The following HEATR5B variants were observed in gnomAD, a reference collection of about 807,000 sequenced individuals.
HEATR5B encodes HEAT repeat containing 5B, also known as HEAT repeat-containing protein 5B.
A neutral mutation model predicts 224.1 loss-of-function variants in HEATR5B; 156 were observed. That is an observed-to-expected ratio of 0.70 (90% CI 0.61 to 0.80). HEATR5B has a LOEUF of 0.80. Among genes scored for constraint, HEATR5B ranks in the 30% least tolerant of loss-of-function variants. The probability of loss-of-function intolerance (pLI) is 0.00; values close to 1 mark genes in which losing one functional copy is unlikely to be tolerated. For synonymous variants in HEATR5B, 1,027 were observed against 893.0 expected, an observed-to-expected ratio of 1.15 and a Z score of -2.68; for missense variants, 2,323 against 2,535.5, an observed-to-expected ratio of 0.92 and a Z score of 1.80.
chr2:37,047,705 T>A (rs1229926451), intron 18 of HEATR5B, among the ~76,000 whole-genome samples: 1 of 152,206 alleles, frequency 6.6e-6, no homozygotes, highest in Non-Finnish European at 1.5e-5. Context: ...TAAGTTAGTA[T>A]AAGATTTCAA....
intron 5 of HEATR5B, among the ~76,000 whole-genome samples, chr2:37,073,536 G>A (rs1055556465): frequency 1.3e-5 from 2 of 151,908 alleles, no homozygotes; most frequent in African/African-American, 4.9e-5. Flanking sequence ...GAGCAACCAC[G>A]CCCAGCCTGG....
chr2:37,030,430 T>C (rs931779145), intron 22 of HEATR5B, among the ~76,000 whole-genome samples: 1 of 152,188 alleles, frequency 6.6e-6, no homozygotes, highest in African/African-American at 2.4e-5. Context: ...AGCAAACCAA[T>C]AAATTAAGGG....
chr2:37,022,019 T>C (rs1668494531), intron 24 of HEATR5B, among the ~76,000 whole-genome samples: 1 of 151,916 alleles, frequency 6.6e-6, no homozygotes. Flanking sequence ...AATAAGGAAG[T>C]TCCCAAAACC....
chr2:37,026,731 A>C (rs1456353249), intron 24 of HEATR5B, among the ~76,000 whole-genome samples: 1 of 152,242 alleles, frequency 6.6e-6, no homozygotes, highest in African/African-American at 2.4e-5. Context: ...CACTATGTTC[A>C]TGATGTATTG....
rs61036576 is a variant in HEATR5B, at chr2:37,082,052, C to CTTTT, written c.126+1233_126+1236dup. ...ATCAGACATTTGAGGGAAGTATCTA[C>CTTTT]TTTTTTTTTTTTTTTTTTTTTTTTT... On this transcript the variant is annotated intron_variant, in intron 2 of 35. Transcript: ENST00000233099. Among the ~76,000 whole-genome samples the CTTTT allele has an allele frequency of 3.0e-3, 72 of 23,960 alleles. 11 individuals are homozygous for CTTTT. The highest frequency in any genetic ancestry group is 6.5e-3 in the South Asian group (2 of 308). The allele number at this position is 23,960 out of a possible 152,430, so 15.7% of individuals were successfully genotyped here. A position where few individuals can be genotyped will look rare whatever the true frequency, so the allele number is the denominator to read the frequency against.
At chr2:37,027,860 T>C (rs1668877501) in intron 24 of HEATR5B, 63 bp downstream of exon 24, 20 of 1,533,374 alleles carry the variant, frequency 1.3e-5, no homozygotes, top group Non-Finnish European at 1.7e-5. Context: ...AAATATCTCA[T>C]AGCAGCAAAA....
Position 37,002,540 on chromosome 2 carries a change from C to A in HEATR5B, c.5083G>T (p.Val1695Leu). Residue 1695 changes from valine to leucine, a missense_variant, in exon 32 of 36, where the codon GTA becomes TTA. Coordinates refer to ENST00000233099, the MANE Select transcript of HEATR5B (RefSeq NM_019024.3). ...EDDMEKEACT[V>L]LGEGGDSGGL... ...CCGCTGTCACCTCCTTCTCCCAATA[C>A]GGTACAGGCCTCTTTTTCCATATCA... The A allele has an allele frequency of 6.2e-7, 1 of 1,614,090 alleles. No individual in the cohort carries two copies. The highest frequency in any genetic ancestry group is 1.1e-5 in the South Asian group (1 of 91,070).
chr2:37,028,721 A>T lies in HEATR5B; in HGVS notation c.3561T>A (p.His1187Gln). 1 of 1,614,072 alleles carries T rather than the reference A, an allele frequency of 6.2e-7. No individual in the cohort carries two copies. Among genetic ancestry groups the T allele is most frequent in the Non-Finnish European group, 8.5e-7 (1 of 1,179,922 alleles). The change falls in exon 23 of 36, where the codon CAT becomes CAA. Residue 1187 changes from histidine to glutamine, a missense_variant. Physicochemically the swap from His to Gln is conservative, Grantham distance 24. Coordinates refer to ENST00000233099, the MANE Select transcript of HEATR5B (RefSeq NM_019024.3). The stretch of plus-strand genomic sequence containing the variant: ...GGACATCTTTACAAAGCATTAGCCA[A>T]TGAGAAAGTTTTTCTACTGCCAGCG... ...LSSLAVEKLS[H>Q]WLMLCKDVLA...
intron 5 of HEATR5B, among the ~76,000 whole-genome samples, chr2:37,073,858 T>C (rs745341998): frequency 1.3e-5 from 2 of 152,192 alleles, no homozygotes; most frequent in Non-Finnish European, 2.9e-5. Context: ...ATTTCAACAC[T>C]TATTACAAAG....
intron 28 of HEATR5B, 62 bp downstream of exon 28, chr2:37,008,549 T>C: frequency 9.0e-7 from 1 of 1,112,258 alleles, no homozygotes; most frequent in Non-Finnish European, 1.4e-6. Flanking sequence ...CTATACCGTC[T>C]CTATTTTGTT....
chr2:37,002,691 C>G lies in HEATR5B; in HGVS notation c.5051-119G>C, dbSNP rs989851903. 1.9e-5 allele frequency: 19 copies of G among 977,536 alleles called. 1 individual carries two copies. In the South Asian group the frequency reaches 3.2e-4, roughly 16 times the overall value. 60.6% of individuals were successfully genotyped at this position (977,536 alleles called of 1,614,324 possible). On this transcript the variant is annotated intron_variant, in intron 31 of 35. Transcript: ENST00000233099. ...TAAGCAAATGTCAAATAATGTCACA[C>G]GTCCTTCTCTGTATAATTCTCTGCC...
At chr2:37,046,734 T>G (rs896192144) in intron 18 of HEATR5B, among the ~76,000 whole-genome samples, 1 of 151,464 alleles carries the variant, frequency 6.6e-6, no homozygotes, top group East Asian at 1.9e-4. Flanking sequence ...AAATTCTAAG[T>G]GCTGTCACAG....
At chr2:36,999,321 G>C (rs750096498) in intron 33 of HEATR5B, among the ~76,000 whole-genome samples, 9 of 152,130 alleles carry the variant, frequency 5.9e-5, no homozygotes, top group African/African-American at 9.7e-5. Context: ...TTTCTCTCCT[G>C]TTTTATTATT....
chr2:36,985,438 C>T (rs1665879063), intron 35 of HEATR5B, among the ~76,000 whole-genome samples: 1 of 149,330 alleles, frequency 6.7e-6, no homozygotes, highest in South Asian at 2.1e-4. Flanking sequence ...ATGAAGAAAT[C>T]ACGATGGTGC....
intron 21 of HEATR5B, among the ~76,000 whole-genome samples, chr2:37,034,294 C>T (rs1287740662): frequency 6.7e-6 from 1 of 149,496 alleles, no homozygotes; most frequent in East Asian, 2.1e-4. Context: ...GCGTGAGCCA[C>T]CGCACCTGGC....
chr2:36,993,659 G>T (rs983205586), intron 33 of HEATR5B, among the ~76,000 whole-genome samples: 3 of 151,982 alleles, frequency 2.0e-5, no homozygotes, highest in Admixed American at 6.6e-5. Context: ...CTTCATAGTG[G>T]GGAAACACGG....
rs192214305 is a variant in HEATR5B at position 37,004,956 on chromosome 2, G to C, written c.4905+676C>G. Among the ~76,000 whole-genome samples, 10 of 152,056 alleles carry C rather than the reference G, an allele frequency of 6.6e-5. No homozygotes were observed. In the South Asian group the frequency reaches 2.1e-3, roughly 32 times the overall value. The stretch of plus-strand genomic sequence containing the variant: ...CTCTTACAAACCAACCTACCTCTAC[G>C]GGCTGACAGAATGATCCTTCTGAAA... On this transcript the variant is annotated intron_variant, in intron 30 of 35. Coordinates refer to ENST00000233099, the MANE Select transcript of HEATR5B (RefSeq NM_019024.3).
chr2:36,996,669 G>A (rs759605695), intron 33 of HEATR5B, among the ~76,000 whole-genome samples: 2 of 151,848 alleles, frequency 1.3e-5, no homozygotes, highest in South Asian at 2.1e-4. Context: ...TCGGCTCACC[G>A]CAGCCTCTGC....
intron 27 of HEATR5B, among the ~76,000 whole-genome samples, chr2:37,009,780 C>CT (rs1333708477): frequency 0.03 from 3,962 of 132,968 alleles, 90 homozygotes; most frequent in East Asian, 0.092. Context: ...CCCGCCTCCA[C>CT]TTTTTTTTTT....
Sources: allele counts gnomAD v4.1 joint callset (sites outside exome capture counted in the v4.1 genomes callset), GRCh38; gene constraint gnomAD v4.1.1; transcripts MANE v1.5; gene names NCBI Gene and HGNC (gene_info 2026-07-23, HGNC 2026-07-21).